Variants in RAB30 observed in about 807,000 individuals in gnomAD.
The protein encoded by RAB30 is ras-related protein Rab-30.
RAB30 carries 9 observed loss-of-function variants against 25.1 expected under a neutral mutation model. The ratio of observed to expected loss-of-function variants is 0.36; its 90% confidence interval spans 0.22 to 0.63. The LOEUF (loss-of-function observed/expected upper bound fraction) is 0.63. Ranked by LOEUF, RAB30 falls within the 20% of genes least tolerant of loss-of-function variation. The pLI is 0.69. For synonymous variants in RAB30, 77 were observed against 86.4 expected (o/e 0.89, Z 0.60); for missense variants, 140 against 243.5 (o/e 0.58, Z 2.83).
intron 1 of RAB30, among the ~76,000 whole-genome samples, chr11:83,023,149 C>G (rs185915065): frequency 6.6e-6 from 1 of 152,030 alleles, no homozygotes; most frequent in Non-Finnish European, 1.5e-5. Flanking sequence ...TCAGTTGATT[C>G]TGGTGATAAT....
At chr11:83,008,663 T>A (rs17144488) in intron 1 of RAB30, among the ~76,000 whole-genome samples, 2,889 of 152,154 alleles carry the variant, frequency 0.019, 88 homozygotes, top group African/African-American at 0.065. Context: ...AAATTTTCCC[T>A]CAGCAGGGAT....
chr11:83,021,360 G>A (rs756251582), intron 1 of RAB30, among the ~76,000 whole-genome samples: 13 of 152,222 alleles, frequency 8.5e-5, no homozygotes, highest in South Asian at 2.1e-4. Context: ...GGAGCTCCCT[G>A]ATCCAGGGCT....
intron 1 of RAB30, among the ~76,000 whole-genome samples, chr11:83,025,879 T>C (rs1422161761): frequency 2.2e-5 from 2 of 90,982 alleles, no homozygotes; most frequent in Non-Finnish European, 5.7e-5. Flanking sequence ...TAAACAGATA[T>C]AGATAGATGA....
intron 3 of RAB30, among the ~76,000 whole-genome samples, chr11:82,992,823 C>G (rs1331916791): frequency 1.3e-5 from 2 of 151,846 alleles, no homozygotes; most frequent in African/African-American, 4.8e-5. Flanking sequence ...TCATGGCTCA[C>G]TGCAGACTCA....
At chr11:82,989,946 G>A (rs1244385976) in intron 3 of RAB30, among the ~76,000 whole-genome samples, 1 of 152,180 alleles carries the variant, frequency 6.6e-6, no homozygotes, top group Non-Finnish European at 1.5e-5. Context: ...ACACAGGGAG[G>A]ATATAAAGAT....
chr11:83,060,964 T>C (rs761840691), intron 1 of RAB30, among the ~76,000 whole-genome samples: 1 of 152,204 alleles, frequency 6.6e-6, no homozygotes, highest in Non-Finnish European at 1.5e-5. Flanking sequence ...TCCTCTCCTG[T>C]CCTCGGACAA....
intron 1 of RAB30, among the ~76,000 whole-genome samples, chr11:82,998,645 A>C (rs1857011215): frequency 6.6e-6 from 1 of 151,860 alleles, no homozygotes; most frequent in African/African-American, 2.4e-5. Flanking sequence ...TTCTGTTATC[A>C]CCACAGGAAA....
chr11:82,979,493 AT>A lies in RAB30; in HGVS notation c.*2671del, dbSNP rs1010449148. The A allele has an allele frequency of 1.3e-5, 2 of 152,152 alleles. No homozygotes were observed. Among genetic ancestry groups the A allele is most frequent in the African/African-American group, 4.8e-5 (2 of 41,442 alleles). 9.4% of individuals were successfully genotyped at this position (152,152 alleles called of 1,614,324 possible). ...ATAAGACTGTTAGGCAAACCAATAA[AT>A]TTAGGTTCTGGCCTGGGTTAAGATG... On this transcript the variant is annotated 3_prime_UTR_variant, in exon 5 of 5. Coordinates refer to ENST00000527633, the MANE Select transcript of RAB30 (RefSeq NM_001286060.2).
rs532441450 is a variant in RAB30 at position 83,049,761 on chromosome 11, T to C, written c.-9+21930A>G. Among the ~76,000 whole-genome samples the C allele has an allele frequency of 5.3e-5, 8 of 152,306 alleles. No individual in the cohort carries two copies. In the South Asian group the frequency reaches 6.2e-4, roughly 12 times the overall value. ...AATTTGAGGTGATTCAAATAGGCTT[T>C]GGAAAACACCTTGGCCTACTTATTG... On this transcript the variant is annotated intron_variant, in intron 1 of 4. Transcript: ENST00000527633.
At chr11:82,987,901 GC>G (rs1442156859) in intron 3 of RAB30, 131 bp from the exon 4 acceptor site, 3 of 68,044 alleles carry the variant, frequency 4.4e-5, no homozygotes, top group East Asian at 3.1e-4. Context: ...GTTATTTTCT[GC>G]CCTAAAAAAA....
Position 82,976,591 on chromosome 11 carries a change from A to T in RAB30, c.*5574T>A, listed in dbSNP as rs910516780. On this transcript the variant is annotated 3_prime_UTR_variant, in exon 5 of 5. Coordinates refer to ENST00000527633, the MANE Select transcript of RAB30 (RefSeq NM_001286060.2). ...CAATGGAAAAGTAAAATTTTGGCTCATACCTCAAGAAGTCAAAGAAGTGGT... is the reference window on the plus strand; with the variant it reads ...CAATGGAAAAGTAAAATTTTGGCTCTTACCTCAAGAAGTCAAAGAAGTGGT... 2.0e-5 allele frequency: 3 copies of T among 152,222 alleles called. No homozygotes were observed. The highest frequency in any genetic ancestry group is 7.2e-5 in the African/African-American group (3 of 41,460). 9.4% of individuals were successfully genotyped at this position (152,222 alleles called of 1,614,324 possible).
chr11:83,051,831 T>C (rs917718277), intron 1 of RAB30, among the ~76,000 whole-genome samples: 3 of 152,216 alleles, frequency 2.0e-5, no homozygotes, highest in Admixed American at 1.3e-4. Flanking sequence ...TTATTTATCA[T>C]ACATAGCCAG....
intron 1 of RAB30, among the ~76,000 whole-genome samples, chr11:83,003,192 T>C (rs914944590): frequency 1.1e-4 from 17 of 152,210 alleles, no homozygotes; most frequent in Non-Finnish European, 2.2e-4. Context: ...TATTAGAATC[T>C]ATACCAGTGA....
At chr11:83,054,073 G>A (rs1371669872) in intron 1 of RAB30, among the ~76,000 whole-genome samples, 1 of 152,210 alleles carries the variant, frequency 6.6e-6, no homozygotes, top group Non-Finnish European at 1.5e-5. Context: ...CTGGGTGACA[G>A]ACAGAGGGAG....
rs376701366 is a variant in RAB30, at chr11:83,006,377, G to A, written c.-8-9053C>T. On this transcript the variant is annotated intron_variant, in intron 1 of 4. Transcript: ENST00000527633. ...CCATACAACAATGGACCACCACACA[G>A]CCTGCTATGGATATCTGCAAGATGT... 3.2e-4 allele frequency among the ~76,000 whole-genome samples: 49 copies of A among 152,282 alleles called. No individual in the cohort carries two copies. In the East Asian group the frequency reaches 6.0e-3, roughly 19 times the overall value.
chr11:82,995,034 T>C (rs930647829), intron 2 of RAB30, among the ~76,000 whole-genome samples: 4 of 152,262 alleles, frequency 2.6e-5, no homozygotes, highest in Non-Finnish European at 5.9e-5. Flanking sequence ...GTATAATTTA[T>C]GCAATTTACT....
At chr11:83,048,042 G>C (rs1201569632) in intron 1 of RAB30, among the ~76,000 whole-genome samples, 2 of 152,080 alleles carry the variant, frequency 1.3e-5, no homozygotes. Context: ...CCAGGAGTTT[G>C]AGATTGGCCT....
At chr11:82,983,795 G>A (rs1338148238) in intron 4 of RAB30, among the ~76,000 whole-genome samples, 1 of 151,982 alleles carries the variant, frequency 6.6e-6, no homozygotes, top group Non-Finnish European at 1.5e-5. Context: ...AACCCCAGTG[G>A]TATATAGCCT....
In RAB30 at chr11:82,979,574, A is replaced by C. The variant is rs1367338430; in HGVS notation, c.*2591T>G. ...ACTTGAAGGAATTTCTGTTTAATCA[A>C]AAAAAGCTCCCCCAACCACTACCAC... On this transcript the variant is annotated 3_prime_UTR_variant, in exon 5 of 5. Transcript: ENST00000527633. 1 of 152,138 alleles carries C rather than the reference A, an allele frequency of 6.6e-6. No individual in the cohort carries two copies. The highest frequency in any genetic ancestry group is 1.5e-5 in the Non-Finnish European group (1 of 68,024). 9.4% of individuals were successfully genotyped at this position (152,138 alleles called of 1,614,324 possible). A position where few individuals can be genotyped will look rare whatever the true frequency, so the allele number is the denominator to read the frequency against.
Sources: allele counts gnomAD v4.1 joint callset (sites outside exome capture counted in the v4.1 genomes callset), GRCh38; gene constraint gnomAD v4.1.1; transcripts MANE v1.5; gene names NCBI Gene and HGNC (gene_info 2026-07-23, HGNC 2026-07-21).